The following CPNE3 variants were observed in gnomAD, a reference collection of about 807,000 sequenced individuals.
CPNE3 encodes the protein copine-3.
A neutral mutation model predicts 63.9 loss-of-function variants in CPNE3; 68 were observed. The ratio of observed to expected loss-of-function variants is 1.06; its 90% CI spans 0.87 to 1.30. The LOEUF is 1.30. CPNE3 is among the 50% of genes most tolerant of loss of function. The pLI, the probability that CPNE3 is intolerant of heterozygous loss-of-function variation, is 0.00. For synonymous variants in CPNE3, 219 were observed against 197.5 expected (o/e 1.11, Z -0.91); for missense variants, 665 against 578.1 (o/e 1.15, Z -1.54).
chr8:86,523,339 A>G (rs1420538704), intron 2 of CPNE3, among the ~76,000 whole-genome samples: 2 of 152,196 alleles, frequency 1.3e-5, no homozygotes, highest in East Asian at 3.9e-4. Context: ...AATTTGAATG[A>G]CACACGCTGA....
At chr8:86,539,232 G>T (rs930826895) in intron 7 of CPNE3, among the ~76,000 whole-genome samples, 1 of 152,116 alleles carries the variant, frequency 6.6e-6, no homozygotes, top group Non-Finnish European at 1.5e-5. Flanking sequence ...AATGGCTCTT[G>T]GTTTTTCTTT....
In CPNE3 at chr8:86,560,925, G is replaced by A. The variant is rs558740125; in HGVS notation, c.*2515G>A. On this transcript the variant is annotated 3_prime_UTR_variant, in exon 17 of 17. Transcript: ENST00000517490. ...ATCAGATCTATTACAAATATATATC[G>A]GAGTGACGGTGCCCAGGATAGATGT... 2.6e-5 allele frequency: 4 copies of A among 152,116 alleles called. No individual in the cohort carries two copies. The South Asian group carries it at 6.2e-4, about 24-fold the overall frequency. 9.4% of individuals were successfully genotyped at this position (152,116 alleles called of 1,614,324 possible).
rs367649201 is a variant in CPNE3, at chr8:86,556,157, C to T, written c.1310C>T (p.Thr437Ile). Residue 437 changes from threonine to isoleucine, a missense_variant, in exon 16 of 17, where the codon ACC (threonine) becomes ATC (isoleucine). Physicochemically the swap from Thr to Ile is moderately conservative, Grantham distance 89. Coordinates refer to ENST00000517490, the MANE Select transcript of CPNE3 (RefSeq NM_003909.5). The part of the protein sequence containing the change: ...TDGVITDLDE[T>I]RQAIVNASRL... ...GGTGTGATCACAGACCTTGATGAAA[C>T]CAGACAAGCTATAGTTAATGCCTCC... 9.2e-6 allele frequency: 8 copies of T among 872,866 alleles called. No individual in the cohort carries two copies. Among genetic ancestry groups the T allele is most frequent in the South Asian group, 9.1e-5 (7 of 76,536 alleles). The allele number at this position is 872,866 out of a possible 1,614,324, so 54.1% of individuals were successfully genotyped here.
In CPNE3 at chr8:86,560,253, G is replaced by C. The variant is rs1821409601; in HGVS notation, c.*1843G>C. On this transcript the variant is annotated 3_prime_UTR_variant, in exon 17 of 17. Coordinates refer to ENST00000517490, the MANE Select transcript of CPNE3 (RefSeq NM_003909.5). ...TGTTCTAATTCTCTTTGTATGCTTG[G>C]AAACAGCATAGATATGTTGCTGTGG... is the stretch of plus-strand genomic sequence containing the variant. 6.6e-6 allele frequency: 1 copy of C among 152,168 alleles called. No individual in the cohort carries two copies. Among genetic ancestry groups the C allele is most frequent in the African/African-American group, 2.4e-5 (1 of 41,436 alleles). The allele number at this position is 152,168 out of a possible 1,614,324, so 9.4% of individuals were successfully genotyped here. A position where few individuals can be genotyped will look rare whatever the true frequency, so the allele number is the denominator to read the frequency against.
chr8:86,534,031 C>T (rs1820745846), intron 6 of CPNE3, among the ~76,000 whole-genome samples: 1 of 151,768 alleles, frequency 6.6e-6, no homozygotes, highest in Non-Finnish European at 1.5e-5. Context: ...GAGACTGAGG[C>T]AGGAAGATGG....
intron 14 of CPNE3, among the ~76,000 whole-genome samples, chr8:86,553,144 A>C (rs988686132): frequency 1.1e-4 from 16 of 151,744 alleles, no homozygotes; most frequent in African/African-American, 2.7e-4. Flanking sequence ...GATTATAGGC[A>C]TGAGCCACCG....
In CPNE3 at chr8:86,556,143, A is replaced by C. The variant is rs1821320142; in HGVS notation, c.1296A>C (p.Thr432=). ...TGATTATTACTGATGGTGTGATCAC[A>C]GACCTTGATGAAACCAGACAAGCTA... ...VLLIITDGVI[T]DLDETRQAIV... The change falls in exon 16 of 17, where the codon ACA becomes ACC. Residue 432 remains threonine (T), a synonymous_variant. Coordinates refer to ENST00000517490, the MANE Select transcript of CPNE3 (RefSeq NM_003909.5). 2.3e-6 allele frequency: 2 copies of C among 872,918 alleles called. No individual in the cohort carries two copies. 54.1% of individuals were successfully genotyped at this position (872,918 alleles called of 1,614,324 possible).
intron 3 of CPNE3, 22 bp downstream of exon 3, chr8:86,528,699 A>G: frequency 6.3e-7 from 1 of 1,588,446 alleles, no homozygotes; most frequent in Non-Finnish European, 8.5e-7. Context: ...TACTTTACCT[A>G]AAAAGTAATC....
Position 86,560,217 on chromosome 8 carries a change from G to T in CPNE3, c.*1807G>T, listed in dbSNP as rs1331826945. The T allele has an allele frequency of 4.6e-5, 7 of 152,220 alleles. No homozygotes were observed. The highest frequency in any genetic ancestry group is 3.2e-3 in the Middle Eastern group (1 of 316). The allele number at this position is 152,220 out of a possible 1,614,324, so 9.4% of individuals were successfully genotyped here. A position where few individuals can be genotyped will look rare whatever the true frequency, so the allele number is the denominator to read the frequency against. The stretch of plus-strand genomic sequence containing the variant: ...CTTCTTCTGATTGTTTGGAGCCATA[G>T]TTGTCTCAGATGTTCTAATTCTCTT... On this transcript the variant is annotated 3_prime_UTR_variant, in exon 17 of 17. Transcript: ENST00000517490.
At chr8:86,514,569 G>A (rs944033158) in intron 1 of CPNE3, 28 bp downstream of exon 1, 1 of 152,270 alleles carries the variant, frequency 6.6e-6, no homozygotes, top group Admixed American at 6.5e-5. Context: ...CCAGTTCCTG[G>A]GCCGGTGAGG....
chr8:86,522,273 A>G, intron 2 of CPNE3, among the ~76,000 whole-genome samples: 1 of 152,144 alleles, frequency 6.6e-6, no homozygotes, highest in East Asian at 1.9e-4. Context: ...TAGTTAGCTA[A>G]GTAGCTAAGT....
chr8:86,516,811 T>G (rs1357452651), intron 2 of CPNE3, among the ~76,000 whole-genome samples: 1 of 152,232 alleles, frequency 6.6e-6, no homozygotes, highest in African/African-American at 2.4e-5. Flanking sequence ...CTTTCAAATG[T>G]TCTTTAGTCA....
chr8:86,547,721 A>C lies in CPNE3; in HGVS notation c.830A>C (p.Glu277Ala). Residue 277 changes from glutamate to alanine, a missense_variant, in exon 11 of 17, where the codon GAA becomes GCA. Glu to Ala is a moderately radical substitution (Grantham distance 107). Coordinates refer to ENST00000517490, the MANE Select transcript of CPNE3 (RefSeq NM_003909.5). ...TTCTCTTATTTTTAGATTACAGTAG[A>C]ATGCACATTCCTTGACTATATAATG... Reference protein sequence around the residue: ...ISVKQCEITVECTFLDYIMGG... With the variant: ...ISVKQCEITVACTFLDYIMGG... 7.7e-7 allele frequency: 1 copy of C among 1,298,224 alleles called. No homozygotes were observed. The highest frequency in any genetic ancestry group is 1.1e-6 in the Non-Finnish European group (1 of 896,768). The allele number at this position is 1,298,224 out of a possible 1,614,324, so 80.4% of individuals were successfully genotyped here. A position where few individuals can be genotyped will look rare whatever the true frequency, so the allele number is the denominator to read the frequency against.
chr8:86,544,764 G>T lies in CPNE3; in HGVS notation c.658G>T (p.Asp220Tyr). Residue 220 changes from aspartate (D) to tyrosine (Y), a missense_variant, in exon 9 of 17, where the codon GAT becomes TAT. By Grantham distance (160) the Asp-to-Tyr change is radical (BLOSUM62 -3). Coordinates refer to ENST00000517490, the MANE Select transcript of CPNE3 (RefSeq NM_003909.5). ...GGTGGAGTGTTATGATTATGACAATGATGGGTCACATGATCTCATTGGAAC... is the reference window on the plus strand; with the variant it reads ...GGTGGAGTGTTATGATTATGACAATTATGGGTCACATGATCTCATTGGAAC... ...IKVECYDYDN[D>Y]GSHDLIGTFQ... 1 of 1,548,378 alleles carries T rather than the reference G, an allele frequency of 6.5e-7. No individual in the cohort carries two copies. Among genetic ancestry groups the T allele is most frequent in the Non-Finnish European group, 8.7e-7 (1 of 1,145,438 alleles).
At chr8:86,539,836 T>A (rs1361451130) in intron 7 of CPNE3, among the ~76,000 whole-genome samples, 2 of 151,942 alleles carry the variant, frequency 1.3e-5, no homozygotes, top group Non-Finnish European at 2.9e-5. Flanking sequence ...CTAATTTTTG[T>A]ATTTTTTTAG....
chr8:86,520,047 G>A (rs1820399940), intron 2 of CPNE3, among the ~76,000 whole-genome samples: 1 of 150,080 alleles, frequency 6.7e-6, no homozygotes, highest in Admixed American at 6.7e-5. Context: ...TGGAGACTGA[G>A]TTTGGAAAAC....
intron 2 of CPNE3, among the ~76,000 whole-genome samples, chr8:86,526,622 C>T (rs372279069): frequency 6.9e-4 from 105 of 152,182 alleles, no homozygotes; most frequent in Non-Finnish European, 1.3e-3. Context: ...AAGCGATCCT[C>T]CTACCTCAGA....
chr8:86,547,484 G>A (rs577005444), intron 10 of CPNE3: 143 of 404,830 alleles, frequency 3.5e-4, no homozygotes, highest in Non-Finnish European at 5.3e-4. Flanking sequence ...TTCATCTTTC[G>A]CCATTAGTAT....
At chr8:86,548,507 C>T (rs1821104525) in intron 12 of CPNE3, 73 bp downstream of exon 12, 1 of 1,580,242 alleles carries the variant, frequency 6.3e-7, no homozygotes, top group Admixed American at 1.7e-5. Context: ...GTTTCATCGG[C>T]TAGCACTCTG....
Sources: allele counts gnomAD v4.1 joint callset (sites outside exome capture counted in the v4.1 genomes callset), GRCh38; gene constraint gnomAD v4.1.1; transcripts MANE v1.5; gene names NCBI Gene and HGNC (gene_info 2026-07-23, HGNC 2026-07-21).